The following PTBP2 variants were observed in gnomAD, a reference collection of about 807,000 sequenced individuals.
PTBP2 encodes the protein polypyrimidine tract-binding protein 2.
A neutral mutation model predicts 61.4 loss-of-function variants in PTBP2; 13 were observed. That is an observed-to-expected ratio of 0.21 (90% CI 0.14 to 0.34). PTBP2 has a LOEUF of 0.34. PTBP2 is among the 10% of genes least tolerant of loss of function. PTBP2 has a pLI of 1.00. For missense variants in PTBP2, 405 were observed against 642.6 expected (o/e 0.63, Z 4.00); for synonymous variants, 215 against 218.5 (o/e 0.98, Z 0.14).
intron 8 of PTBP2, 122 bp from the exon 9 acceptor site, chr1:96,804,678 G>A: frequency 2.2e-6 from 2 of 926,478 alleles, no homozygotes; most frequent in East Asian, 2.5e-5. Context: ...TAACTTTCAG[G>A]AACCATTTGG....
chr1:96,728,929 A>G (rs1301274282), intron 2 of PTBP2, among the ~76,000 whole-genome samples: 1 of 151,984 alleles, frequency 6.6e-6, no homozygotes, highest in East Asian at 1.9e-4. Flanking sequence ...CTTAATTTCC[A>G]ATTGTTTGCT....
intron 1 of PTBP2, among the ~76,000 whole-genome samples, chr1:96,722,180 C>T (rs951792644): frequency 6.6e-6 from 1 of 151,972 alleles, no homozygotes; most frequent in Non-Finnish European, 1.5e-5. Context: ...TAACGTCTCC[C>T]CGGTCTGTCC....
chr1:96,792,695 C>T (rs1172122922), intron 8 of PTBP2, among the ~76,000 whole-genome samples: 5 of 143,656 alleles, frequency 3.5e-5, no homozygotes, highest in Admixed American at 7.0e-5. Flanking sequence ...ATTGTTCATG[C>T]ATTGATTCAA....
intron 3 of PTBP2, among the ~76,000 whole-genome samples, chr1:96,767,792 G>T (rs72976421): frequency 0.045 from 6,837 of 152,124 alleles, 482 homozygotes; most frequent in African/African-American, 0.15. Flanking sequence ...ACAAATTCAG[G>T]TGCCCTGTGC....
downstream of PTBP2, chr1:96,819,356 C>A (rs1373077769): frequency 6.6e-6 from 1 of 151,920 alleles, no homozygotes; most frequent in African/African-American, 2.4e-5. Flanking sequence ...TCCCCATAAC[C>A]TTAGCAAAAT....
intron 11 of PTBP2, among the ~76,000 whole-genome samples, chr1:96,808,649 A>G (rs1229459214): frequency 3.9e-5 from 6 of 152,216 alleles, no homozygotes; most frequent in Non-Finnish European, 8.8e-5. Flanking sequence ...TATTGTCACT[A>G]AAGTTTTGAC....
intron 3 of PTBP2, among the ~76,000 whole-genome samples, chr1:96,758,457 A>G (rs1655407189): frequency 6.6e-6 from 1 of 152,112 alleles, no homozygotes; most frequent in African/African-American, 2.4e-5. Flanking sequence ...TCAAGATTTC[A>G]GACTAGTATT....
chr1:96,756,120 C>T (rs1316134598), intron 3 of PTBP2, among the ~76,000 whole-genome samples: 5 of 152,262 alleles, frequency 3.3e-5, no homozygotes, highest in Middle Eastern at 3.4e-3. Flanking sequence ...ACTATACGGC[C>T]GGGCACAGTG....
chr1:96,791,103 T>C (rs749735474), intron 8 of PTBP2, among the ~76,000 whole-genome samples: 1 of 152,196 alleles, frequency 6.6e-6, no homozygotes, highest in Non-Finnish European at 1.5e-5. Flanking sequence ...ATGTGTACTT[T>C]TGTGTAGTCT....
intron 7 of PTBP2, 68 bp from the exon 8 acceptor site, chr1:96,784,991 A>G (rs1248688965): frequency 8.0e-7 from 1 of 1,252,680 alleles, no homozygotes; most frequent in Non-Finnish European, 1.1e-6. Context: ...TTTTATTACT[A>G]AAATTATACT....
chr1:96,746,846 TCCCTCC>T (rs1653855364), intron 2 of PTBP2, among the ~76,000 whole-genome samples: 1 of 50,052 alleles, frequency 2.0e-5, no homozygotes, highest in Non-Finnish European at 3.6e-5. Context: ...TCTCCCTCCC[TCCCTCC>T]CCCTCCCTCC....
chr1:96,751,672 A>C (rs959002914), intron 3 of PTBP2, among the ~76,000 whole-genome samples, 172 bp downstream of exon 3: 1 of 149,680 alleles, frequency 6.7e-6, no homozygotes, highest in African/African-American at 2.5e-5. Flanking sequence ...AAAAAAAAAA[A>C]CCTGAAGCTG....
intron 7 of PTBP2, among the ~76,000 whole-genome samples, chr1:96,779,757 C>G (rs1658443565): frequency 6.6e-6 from 1 of 152,074 alleles, no homozygotes; most frequent in South Asian, 2.1e-4. Flanking sequence ...ACTTGCTTTG[C>G]CCCATTACCT....
At chr1:96,804,162 C>CTTGTTCT (rs1330151190) in intron 8 of PTBP2, among the ~76,000 whole-genome samples, 1 of 152,124 alleles carries the variant, frequency 6.6e-6, no homozygotes, top group East Asian at 1.9e-4. Flanking sequence ...GTGATGGTTT[C>CTTGTTCT]TTGTTCTTTC....
At chr1:96,730,580 G>A (rs1651262918) in intron 2 of PTBP2, among the ~76,000 whole-genome samples, 1 of 152,044 alleles carries the variant, frequency 6.6e-6, no homozygotes, top group Non-Finnish European at 1.5e-5. Context: ...TTGGATCTTT[G>A]TAAACATGGA....
At chr1:96,808,894 T>G (rs1661763447) in intron 11 of PTBP2, among the ~76,000 whole-genome samples, 2 of 152,082 alleles carry the variant, frequency 1.3e-5, no homozygotes. Context: ...ATTATCAAAC[T>G]TGGTATTTAA....
In PTBP2 at chr1:96,743,819, T is replaced by G. The variant is rs6679060; in HGVS notation, c.40-7606T>G. On this transcript the variant is annotated intron_variant, in intron 2 of 13. Transcript: ENST00000674951. ...TTCTTTTTTTTAAATTTCTAAGCTG[T>G]TTTATTAAATGAAAAGAGAACAATG... 4.0e-3 allele frequency among the ~76,000 whole-genome samples: 602 copies of G among 152,218 alleles called. 3 individuals are homozygous for G. The highest frequency in any genetic ancestry group is 0.014 in the African/African-American group (575 of 41,524).
At chr1:96,771,015 T>A in intron 5 of PTBP2, 164 bp downstream of exon 5, 1 of 554,784 alleles carries the variant, frequency 1.8e-6, no homozygotes, top group Non-Finnish European at 3.0e-6. Flanking sequence ...TTAAATACTA[T>A]GTCATTTTGA....
At chr1:96,751,978 C>G (rs1654604191) in intron 3 of PTBP2, among the ~76,000 whole-genome samples, 1 of 151,894 alleles carries the variant, frequency 6.6e-6, no homozygotes. Context: ...TATTTTAATT[C>G]TGAGTTGATC....
Sources: gnomAD v4.1 joint callset for allele counts (sites outside exome capture counted in the v4.1 genomes callset) on GRCh38, gnomAD v4.1.1 for gene constraint, MANE v1.5 for transcripts, NCBI Gene and HGNC (gene_info 2026-07-23, HGNC 2026-07-21) for gene names.